PASK: variants seen among roughly 807,000 people sequenced by gnomAD.
The protein encoded by PASK is PAS domain-containing serine/threonine-protein kinase.
PASK carries 110 observed loss-of-function variants against 121.0 expected under a neutral mutation model. The observed-to-expected ratio is 0.91, with a 90% CI of 0.78 to 1.06. The LOEUF (loss-of-function observed/expected upper bound fraction) is 1.06. PASK is among the 50% of genes least tolerant of loss of function. The probability of loss-of-function intolerance (pLI) is 0.00; values close to 1 mark genes in which losing one functional copy is unlikely to be tolerated. For missense variants in PASK, 1,643 were observed against 1,702.3 expected (o/e 0.97, Z 0.61); for synonymous variants, 686 against 717.8 (o/e 0.96, Z 0.71).
At chr2:241,135,500 G>A (rs370064980) in intron 8 of PASK, among the ~76,000 whole-genome samples, 143 of 152,252 alleles carry the variant, frequency 9.4e-4, no homozygotes, top group African/African-American at 3.0e-3. Context: ...TCAAGGGTCA[G>A]CGGTAATCCG....
intron 14 of PASK, chr2:241,114,095 T>C (rs1428705349): frequency 2.0e-6 from 2 of 985,120 alleles, no homozygotes; most frequent in African/African-American, 1.7e-5. Flanking sequence ...CATAACCTCA[T>C]ACAGATACTC....
intron 2 of PASK, among the ~76,000 whole-genome samples, chr2:241,142,381 CAA>C (rs1575341591): frequency 6.6e-6 from 1 of 152,266 alleles, no homozygotes; most frequent in East Asian, 1.9e-4. Context: ...GGTGCCTGGA[CAA>C]AGGAGGCACC....
At chr2:241,134,488 G>C (rs960581827) in intron 8 of PASK, 2 of 152,248 alleles carry the variant, frequency 1.3e-5, no homozygotes, top group Admixed American at 6.5e-5. Flanking sequence ...CTGTGGGGAA[G>C]GAGGCTGGGC....
rs541361257 is a variant in PASK at position 241,115,875 on chromosome 2, C to A, written c.3073-462G>T. On this transcript the variant is annotated intron_variant, in intron 12 of 17. Coordinates refer to ENST00000234040, the MANE Select transcript of PASK (RefSeq NM_015148.4). Reference sequence around the variant, plus strand: ...CCGGGGCCACCCGGTCCCCAAGCATCCCGTTACGCCAGGGGCCACTCGGTC... The same window carrying A: ...CCGGGGCCACCCGGTCCCCAAGCATACCGTTACGCCAGGGGCCACTCGGTC... 8.5e-5 allele frequency among the ~76,000 whole-genome samples: 12 copies of A among 141,096 alleles called. 2 individuals carry two copies. The highest frequency in any genetic ancestry group is 3.5e-4 in the African/African-American group (12 of 34,696). 92.6% of individuals were successfully genotyped at this position (141,096 alleles called of 152,430 possible). A position where few individuals can be genotyped will look rare whatever the true frequency, so the allele number is the denominator to read the frequency against.
rs200353972 is a variant in PASK, at chr2:241,112,218, C to T, written c.3533+22G>A. 7.5e-6 allele frequency: 12 copies of T among 1,590,688 alleles called. No individual in the cohort carries two copies. The highest frequency in any genetic ancestry group is 4.4e-5 in the South Asian group (4 of 90,636). ...CCTGACAGAGGACACGAGGACGGGC[C>T]GCACCGCAGCCGCATACGTACGGAT... On this transcript the variant is annotated intron_variant, in intron 15 of 17. Transcript: ENST00000234040. The surrounding 1 kb of genome is among the most constrained non-coding windows in gnomAD (Gnocchi z 5.2).
chr2:241,118,727 T>G (rs2065476165), intron 12 of PASK: 1 of 222,660 alleles, frequency 4.5e-6, no homozygotes, highest in South Asian at 1.3e-4. Flanking sequence ...TTCCCAGTCT[T>G]CAGGAGCCCC....
In PASK at chr2:241,112,298, A is replaced by G; in HGVS notation, c.3475T>C (p.Phe1159Leu). The change falls in exon 15 of 18, where the codon TTT becomes CTT. Residue 1159 changes from phenylalanine (F) to leucine (L), a missense_variant. By Grantham distance (22) the Phe-to-Leu change is conservative (BLOSUM62 0). Coordinates refer to ENST00000234040, the MANE Select transcript of PASK (RefSeq NM_015148.4). The surrounding 1 kb of genome is among the most constrained non-coding windows in gnomAD (Gnocchi z 5.2). ...SAAYLERGKL[F>L]YTFCGTIEYC... is the part of the protein sequence containing the mutation. The stretch of plus-strand genomic sequence containing the variant: ...TCGATGGTCCCACAAAAAGTATAAA[A>G]TAATTTTCCCCTTTCCAAGTAGGCG... The G allele has an allele frequency of 6.2e-7, 1 of 1,613,848 alleles. No homozygotes were observed. The highest frequency in any genetic ancestry group is 8.5e-7 in the Non-Finnish European group (1 of 1,179,850).
chr2:241,112,580 CA>C lies in PASK; in HGVS notation c.3334-142del, dbSNP rs2065154567. Reference sequence around the variant, plus strand: ...TGAACTGGGGACAGGAAAGATTTTTCAATGCTGAAGATATGATTGGAAGCAA... The same window carrying C: ...TGAACTGGGGACAGGAAAGATTTTTCATGCTGAAGATATGATTGGAAGCAA... On this transcript the variant is annotated intron_variant, in intron 14 of 17. Coordinates refer to ENST00000234040, the MANE Select transcript of PASK (RefSeq NM_015148.4). The surrounding 1 kb of genome is among the most constrained non-coding windows in gnomAD (Gnocchi z 5.2). 1 of 627,332 alleles carries C rather than the reference CA, an allele frequency of 1.6e-6. No homozygotes were observed. The highest frequency in any genetic ancestry group is 2.8e-6 in the Non-Finnish European group (1 of 362,820). The allele number at this position is 627,332 out of a possible 1,614,324, so 38.9% of individuals were successfully genotyped here.
intron 2 of PASK, among the ~76,000 whole-genome samples, chr2:241,142,540 ATACTC>A (rs2066750565): frequency 6.6e-6 from 1 of 152,230 alleles, no homozygotes; most frequent in Admixed American, 6.5e-5. Flanking sequence ...GCGTTCTCAC[ATACTC>A]TAAAGTAAGA....
chr2:241,137,315 G>A (rs761343689), intron 6 of PASK, 51 bp from the exon 7 acceptor site: 1 of 1,527,234 alleles, frequency 6.5e-7, no homozygotes, highest in Non-Finnish European at 9.1e-7. Context: ...CGTGGACAGA[G>A]CACTGAGTCT....
intron 12 of PASK, among the ~76,000 whole-genome samples, chr2:241,119,340 TG>T (rs1345140476): frequency 1.3e-5 from 2 of 152,166 alleles, no homozygotes; most frequent in African/African-American, 4.8e-5. Context: ...GCCCTACCCC[TG>T]GGACGTTGGC....
rs1229786387 is a variant in PASK at position 241,107,583 on chromosome 2, C to G, written c.3668-84G>C. 14 of 1,345,294 alleles carry G rather than the reference C, an allele frequency of 1.0e-5. No homozygotes were observed. In the Admixed American group the frequency reaches 1.7e-4, roughly 16 times the overall value. The allele number at this position is 1,345,294 out of a possible 1,614,324, so 83.3% of individuals were successfully genotyped here. A position where few individuals can be genotyped will look rare whatever the true frequency, so the allele number is the denominator to read the frequency against. ...CAGATTCCTGGGTGCTCACCACCCC[C>G]CCGCAGAGCCTCTGACTGGGCAGGT... On this transcript the variant is annotated intron_variant, in intron 16 of 17. Coordinates refer to ENST00000234040, the MANE Select transcript of PASK (RefSeq NM_015148.4).
chr2:241,115,065 A>C lies in PASK; in HGVS notation c.3311T>G (p.Leu1104Arg), dbSNP rs1254384240. 1 of 1,614,006 alleles carries C rather than the reference A, an allele frequency of 6.2e-7. No individual in the cohort carries two copies. Among genetic ancestry groups the C allele is most frequent in the Non-Finnish European group, 8.5e-7 (1 of 1,179,992 alleles). Residue 1104 changes from leucine (L) to arginine (R), a missense_variant, in exon 14 of 18, where the codon CTG (leucine) becomes CGG (arginine). By Grantham distance (102) the Leu-to-Arg change is moderately radical. This residue lies in a region of PASK where 453 missense variants were observed against 511.2 expected (regional missense o/e 0.89). Coordinates refer to ENST00000234040, the MANE Select transcript of PASK (RefSeq NM_015148.4). ...CACTTGTCGGAAGATGTAGCTCGCC[A>C]GGGGCTCATCCAGCCTGGGGTGGCG... ...IDRHPRLDEP[L>R]ASYIFRQLVS...
In PASK at chr2:241,106,394, T is replaced by C. The variant is rs2064880926; in HGVS notation, c.*172A>G. ...GTGAATTCCAAATCTATGTAATAAA[T>C]CTAAAATAATACAGCATCACTGTCT... On this transcript the variant is annotated 3_prime_UTR_variant, in exon 18 of 18. Transcript: ENST00000234040. The C allele has an allele frequency of 1.4e-6, 1 of 718,610 alleles. No individual in the cohort carries two copies. Among genetic ancestry groups the C allele is most frequent in the Non-Finnish European group, 2.4e-6 (1 of 410,956 alleles). The allele number at this position is 718,610 out of a possible 1,614,324, so 44.5% of individuals were successfully genotyped here. A position where few individuals can be genotyped will look rare whatever the true frequency, so the allele number is the denominator to read the frequency against.
rs145387091 is a variant in PASK, at chr2:241,126,376, C to A, written c.2539G>T (p.Val847Phe). ...GGGCCAGCATCCAACGTGGAAGGAA[C>A]GTGTCCTGGGCTTTCTCTGTCGCTT... is the stretch of plus-strand genomic sequence containing the variant. ...AASDRESPGH[V>F]PSTLDAGPED... Residue 847 changes from valine (V) to phenylalanine (F), a missense_variant, in exon 10 of 18, where the codon GTT becomes TTT. Val to Phe is a conservative substitution (Grantham distance 50). Around this residue, in one of 3 missense-constraint regions of PASK, gnomAD observed 1,176 missense variants for 1,162.2 expected, o/e 1.01. Transcript: ENST00000234040. 1 of 1,614,148 alleles carries A rather than the reference C, an allele frequency of 6.2e-7. No homozygotes were observed. The highest frequency in any genetic ancestry group is 1.3e-5 in the African/African-American group (1 of 74,954).
In PASK at chr2:241,149,440, CCGGCTACACACCA is replaced by C. The variant is rs1029260508; in HGVS notation, c.-82_-70del. The C allele has an allele frequency of 3.6e-6, 2 of 560,374 alleles. No homozygotes were observed. Among genetic ancestry groups the C allele is most frequent in the Non-Finnish European group, 6.3e-6 (2 of 316,288 alleles). 34.7% of individuals were successfully genotyped at this position (560,374 alleles called of 1,614,324 possible). A position where few individuals can be genotyped will look rare whatever the true frequency, so the allele number is the denominator to read the frequency against. Reference sequence around the variant, plus strand: ...TGGATCAGGCGAGGGTCACGCCAAGCCGGCTACACACCACGGAAAGGAGCCCTTCCGCGCTTTT... The same window carrying C: ...TGGATCAGGCGAGGGTCACGCCAAGCCGGAAAGGAGCCCTTCCGCGCTTTT... On this transcript the variant is annotated 5_prime_UTR_variant, in exon 1 of 18. Coordinates refer to ENST00000234040, the MANE Select transcript of PASK (RefSeq NM_015148.4).
chr2:241,125,424 T>C (rs13392234), intron 10 of PASK, among the ~76,000 whole-genome samples: 2,437 of 149,150 alleles, frequency 0.016, 58 homozygotes, highest in African/African-American at 0.058. Flanking sequence ...CACAGTGAAA[T>C]CCCGTCTCTA....
intron 9 of PASK, among the ~76,000 whole-genome samples, chr2:241,128,679 C>T (rs1325891020): frequency 6.6e-6 from 1 of 152,158 alleles, no homozygotes; most frequent in Non-Finnish European, 1.5e-5. Flanking sequence ...CCAGCCTGGG[C>T]AACATAGTGA....
At chr2:241,118,985 G>A (rs2065487887) in intron 12 of PASK, 2 of 989,216 alleles carry the variant, frequency 2.0e-6, no homozygotes, top group Admixed American at 5.7e-5. Context: ...AGCCTCCAAG[G>A]GCTGTCAGGC....
Sources: allele counts gnomAD v4.1 joint callset (sites outside exome capture counted in the v4.1 genomes callset), GRCh38; gene constraint gnomAD v4.1.1; regional missense constraint gnomAD v4.1.1; non-coding constraint Gnocchi (gnomAD v3.1); transcripts MANE v1.5; gene names NCBI Gene and HGNC (gene_info 2026-07-23, HGNC 2026-07-21).